ERC2: variants seen among roughly 807,000 people sequenced by gnomAD.
ERC2 encodes the protein ERC protein 2.
ERC2 carries 42 observed loss-of-function variants against 114.8 expected under a neutral mutation model. That is an observed-to-expected ratio of 0.37 (90% CI 0.29 to 0.47). The LOEUF (loss-of-function observed/expected upper bound fraction) is 0.47. Ranked by LOEUF, ERC2 falls within the 20% of genes least tolerant of loss-of-function variation. The probability of loss-of-function intolerance (pLI) is 0.99; values close to 1 mark genes in which losing one functional copy is unlikely to be tolerated. For missense variants in ERC2, 939 were observed against 1,150.7 expected (o/e 0.82, Z 2.66); for synonymous variants, 454 against 425.5 (o/e 1.07, Z -0.82).
intron 2 of ERC2, among the ~76,000 whole-genome samples, chr3:56,427,633 G>A (rs909319568): frequency 5.9e-5 from 9 of 152,138 alleles, no homozygotes; most frequent in Non-Finnish European, 1.2e-4. Context: ...GTGTCCTTAT[G>A]AAAAGGAGAA....
At chr3:55,833,367 G>C (rs1397341151) in intron 14 of ERC2, among the ~76,000 whole-genome samples, 2 of 151,066 alleles carry the variant, frequency 1.3e-5, no homozygotes, top group Non-Finnish European at 2.9e-5. Flanking sequence ...GAGAAAGGTC[G>C]GGTTACCCAC....
intron 12 of ERC2, among the ~76,000 whole-genome samples, chr3:55,960,015 C>T (rs997126333): frequency 6.6e-6 from 1 of 152,216 alleles, no homozygotes; most frequent in African/African-American, 2.4e-5. Context: ...CGCAGGAGTG[C>T]AAACAGGGAA....
At chr3:55,701,912 T>C (rs1238499411) in intron 15 of ERC2, among the ~76,000 whole-genome samples, 20 of 152,190 alleles carry the variant, frequency 1.3e-4, no homozygotes, top group Admixed American at 1.3e-3. Context: ...TGAGGGGAGC[T>C]GTAAGATCTG....
At chr3:56,406,783 A>G (rs1223667607) in intron 2 of ERC2, among the ~76,000 whole-genome samples, 1 of 152,238 alleles carries the variant, frequency 6.6e-6, no homozygotes, top group Non-Finnish European at 1.5e-5. Context: ...CAATCTCAAT[A>G]AATGCAAAAA....
chr3:56,318,548 T>C (rs56061901), intron 2 of ERC2, among the ~76,000 whole-genome samples: 2,787 of 151,366 alleles, frequency 0.018, 94 homozygotes, highest in African/African-American at 0.061. Flanking sequence ...GATAAGGGGT[T>C]AATATCAAAA....
rs368831852 is a variant in ERC2 at position 56,439,648 on chromosome 3, A to G, written c.-140-4501T>C. ...TATAACTTTTCTTTAAAATTTTTTA[A>G]ATGATATAGCTTTTGGTTTTATTAA... is the stretch of plus-strand genomic sequence containing the variant. On this transcript the variant is annotated intron_variant, in intron 1 of 17. Coordinates refer to ENST00000288221, the MANE Select transcript of ERC2 (RefSeq NM_015576.3). Among the ~76,000 whole-genome samples the G allele has an allele frequency of 2.6e-5, 4 of 152,188 alleles. No individual in the cohort carries two copies. In the East Asian group the frequency reaches 5.8e-4, roughly 22 times the overall value.
At chr3:56,277,889 G>A (rs1055584025) in intron 3 of ERC2, among the ~76,000 whole-genome samples, 3 of 152,136 alleles carry the variant, frequency 2.0e-5, no homozygotes, top group African/African-American at 4.8e-5. Context: ...GCCCCACTCC[G>A]ACTCTCCCAC....
intron 17 of ERC2, among the ~76,000 whole-genome samples, chr3:55,562,700 T>C (rs1285786554): frequency 6.6e-6 from 1 of 152,266 alleles, no homozygotes; most frequent in South Asian, 2.1e-4. Context: ...CCTTTTCTTT[T>C]TTTTTCATTT....
intron 17 of ERC2, among the ~76,000 whole-genome samples, chr3:55,653,817 C>G (rs1022707288): frequency 2.0e-5 from 3 of 152,198 alleles, no homozygotes; most frequent in African/African-American, 7.2e-5. Context: ...TTGGTGCGCT[C>G]TCTATGGTGA....
At chr3:56,247,714 C>T (rs1026101317) in intron 3 of ERC2, among the ~76,000 whole-genome samples, 1 of 152,156 alleles carries the variant, frequency 6.6e-6, no homozygotes, top group Non-Finnish European at 1.5e-5. Flanking sequence ...AAAGGAATGT[C>T]GGTGCATAAG....
At chr3:55,837,470 T>G (rs1209968514) in intron 14 of ERC2, among the ~76,000 whole-genome samples, 1 of 151,928 alleles carries the variant, frequency 6.6e-6, no homozygotes, top group Non-Finnish European at 1.5e-5. Flanking sequence ...TGGATGAAAC[T>G]GGAAATCATC....
At chr3:56,197,702 T>C (rs1180551736) in intron 3 of ERC2, among the ~76,000 whole-genome samples, 22 of 152,254 alleles carry the variant, frequency 1.4e-4, no homozygotes, top group Admixed American at 1.2e-3. Flanking sequence ...TTAAAACACA[T>C]TGGTCTTCAC....
At chr3:56,386,363 G>T (rs2059934203) in intron 2 of ERC2, among the ~76,000 whole-genome samples, 1 of 152,106 alleles carries the variant, frequency 6.6e-6, no homozygotes, top group South Asian at 2.1e-4. Context: ...TCCTATGATG[G>T]TTATGGAGAT....
intron 2 of ERC2, among the ~76,000 whole-genome samples, chr3:56,381,068 A>G (rs186329702): frequency 1.4e-4 from 22 of 152,228 alleles, no homozygotes; most frequent in Admixed American, 1.4e-3. Context: ...CTGATTAATA[A>G]GGAAGCACTT....
intron 6 of ERC2, among the ~76,000 whole-genome samples, chr3:56,098,968 T>A (rs1175405470): frequency 6.6e-6 from 1 of 152,214 alleles, no homozygotes; most frequent in Non-Finnish European, 1.5e-5. Context: ...TGTGTCCATG[T>A]TCCAGAACCT....
intron 2 of ERC2, among the ~76,000 whole-genome samples, chr3:56,424,087 C>T (rs1476216282): frequency 1.3e-5 from 2 of 152,186 alleles, no homozygotes; most frequent in Non-Finnish European, 2.9e-5. Flanking sequence ...TACTTTTCTG[C>T]TGTCAACATA....
rs73831807 is a variant in ERC2 at position 55,892,094 on chromosome 3, G to A, written c.2404-3545C>T. Reference sequence around the variant, plus strand: ...CATATTTACCTCAACAGGTAAATAGGGAACCCTATTGCTTGCTTATCAGAT... The same window carrying A: ...CATATTTACCTCAACAGGTAAATAGAGAACCCTATTGCTTGCTTATCAGAT... On this transcript the variant is annotated intron_variant, in intron 13 of 17. Coordinates refer to ENST00000288221, the MANE Select transcript of ERC2 (RefSeq NM_015576.3). Among the ~76,000 whole-genome samples the A allele has an allele frequency of 6.6e-3, 1,000 of 152,294 alleles. 13 individuals are homozygous for A. Among genetic ancestry groups the A allele is most frequent in the African/African-American group, 0.022 (925 of 41,550 alleles).
At chr3:55,815,857 G>A (rs1296108364) in intron 14 of ERC2, among the ~76,000 whole-genome samples, 1 of 152,176 alleles carries the variant, frequency 6.6e-6, no homozygotes. Flanking sequence ...GGAAGCCAAT[G>A]CAAAATGCCT....
At chr3:56,016,278 G>A (rs1466038349) in intron 8 of ERC2, among the ~76,000 whole-genome samples, 1 of 151,922 alleles carries the variant, frequency 6.6e-6, no homozygotes, top group African/African-American at 2.4e-5. Context: ...TGAAATCTTT[G>A]CCTGTGCCTG....
Sources: gnomAD v4.1 joint callset for allele counts (sites outside exome capture counted in the v4.1 genomes callset) on GRCh38, gnomAD v4.1.1 for gene constraint, MANE v1.5 for transcripts, NCBI Gene and HGNC (gene_info 2026-07-23, HGNC 2026-07-21) for gene names.